Variants in ACTR3C observed in about 807,000 individuals in gnomAD.
The protein encoded by ACTR3C is actin-related protein 3C.
ACTR3C carries 18 observed loss-of-function variants against 26.3 expected under a neutral mutation model. The observed-to-expected ratio is 0.68, with a 90% CI of 0.47 to 1.01. The LOEUF is 1.01. Ranked by LOEUF, ACTR3C falls within the 50% of genes least tolerant of loss-of-function variation. The pLI is 0.00. For missense variants in ACTR3C, 184 were observed against 250.7 expected (o/e 0.73, Z 1.80); for synonymous variants, 55 against 94.5 (o/e 0.58, Z 2.42).
chr7:149,965,767 C>A, the ACTR3C span, among the ~76,000 whole-genome samples: 1 of 152,216 alleles, frequency 6.6e-6, no homozygotes, highest in African/African-American at 2.4e-5. Flanking sequence ...GATAAATAAG[C>A]AAATTGCATT....
the ACTR3C span, among the ~76,000 whole-genome samples, chr7:150,211,652 C>G: frequency 7.3e-4 from 110 of 150,186 alleles, 5 homozygotes; most frequent in African/African-American, 2.6e-3. Flanking sequence ...GTTGAATGTC[C>G]TCAGCTTTCA....
chr7:150,029,763 G>A, the ACTR3C span, among the ~76,000 whole-genome samples: 529 of 152,074 alleles, frequency 3.5e-3, 1 homozygote, highest in Non-Finnish European at 5.7e-3. Context: ...GCCCATCTCC[G>A]AGGGTCATTC....
At chr7:150,094,721 G>C in the ACTR3C span, among the ~76,000 whole-genome samples, 1 of 150,700 alleles carries the variant, frequency 6.6e-6, no homozygotes, top group South Asian at 2.1e-4. Context: ...AGGTGAGCAG[G>C]AAAAAAGTCC....
At chr7:149,887,475 G>T in the ACTR3C span, among the ~76,000 whole-genome samples, 2 of 152,150 alleles carry the variant, frequency 1.3e-5, no homozygotes, top group Non-Finnish European at 2.9e-5. Context: ...TCCCATACAC[G>T]CCAGGCGCCT....
chr7:150,253,667 A>G (rs1251028062), intron 6 of ACTR3C, among the ~76,000 whole-genome samples: 1 of 151,896 alleles, frequency 6.6e-6, no homozygotes, highest in African/African-American at 2.4e-5. Flanking sequence ...TAATAATGGG[A>G]TAGTAATAAA....
chr7:149,947,754 C>A, the ACTR3C span, among the ~76,000 whole-genome samples: 1 of 144,418 alleles, frequency 6.9e-6, no homozygotes, highest in African/African-American at 2.9e-5. Context: ...TGATGCGGTG[C>A]AGCTATCCTG....
intron 6 of ACTR3C, among the ~76,000 whole-genome samples, chr7:150,267,186 G>T (rs186269742): frequency 6.6e-6 from 1 of 152,196 alleles, no homozygotes; most frequent in Non-Finnish European, 1.5e-5. Flanking sequence ...CAAAAGCACC[G>T]AGTGAAGGAA....
downstream of ACTR3C, among the ~76,000 whole-genome samples, chr7:150,239,427 G>A (rs1297413497): frequency 1.4e-5 from 2 of 140,208 alleles, no homozygotes; most frequent in African/African-American, 2.9e-5. Flanking sequence ...CAAATTTAGA[G>A]CCTGTTTCTC....
the ACTR3C span, among the ~76,000 whole-genome samples, chr7:150,007,471 C>T: frequency 6.6e-6 from 1 of 152,198 alleles, no homozygotes; most frequent in Non-Finnish European, 1.5e-5. Context: ...GGGGTTCTGA[C>T]ACTTGATAAT....
At chr7:150,023,342 T>TAG in the ACTR3C span, among the ~76,000 whole-genome samples, 3 of 18,264 alleles carry the variant, frequency 1.6e-4, no homozygotes, top group African/African-American at 3.4e-4. Context: ...TACATACATA[T>TAG]ATATTTTAGA....
chr7:150,111,855 G>C, the ACTR3C span, among the ~76,000 whole-genome samples: 1 of 148,284 alleles, frequency 6.7e-6, no homozygotes, highest in East Asian at 2.0e-4. Flanking sequence ...AGAAATCCCC[G>C]TGTAATGACC....
the ACTR3C span, among the ~76,000 whole-genome samples, chr7:149,981,185 T>C: frequency 2.0e-5 from 3 of 152,118 alleles, no homozygotes; most frequent in Non-Finnish European, 4.4e-5. Flanking sequence ...CTCTTCCCAC[T>C]ACAATGGACA....
the ACTR3C span, among the ~76,000 whole-genome samples, chr7:150,042,519 G>T: frequency 1.9e-3 from 284 of 146,688 alleles, 2 homozygotes; most frequent in Admixed American, 2.8e-3. Flanking sequence ...CGCCCCCTGC[G>T]ATAGTGGTCC....
At chr7:150,259,698 T>G (rs542659052) in intron 6 of ACTR3C, among the ~76,000 whole-genome samples, 102 of 152,298 alleles carry the variant, frequency 6.7e-4, no homozygotes, top group Non-Finnish European at 1.1e-3. Context: ...TTTTTTATCC[T>G]AGATGGTCAT....
chr7:150,039,760 T>C, the ACTR3C span, among the ~76,000 whole-genome samples: 1 of 129,562 alleles, frequency 7.7e-6, no homozygotes, highest in African/African-American at 2.8e-5. Context: ...CCTCCTGCGA[T>C]GGGGGTCCCC....
chr7:150,253,077 C>T (rs1832963742), intron 6 of ACTR3C, among the ~76,000 whole-genome samples: 1 of 152,050 alleles, frequency 6.6e-6, no homozygotes, highest in African/African-American at 2.4e-5. Context: ...TATCACGCTG[C>T]TGAATGACGT....
At chr7:150,098,238 G>A in the ACTR3C span, among the ~76,000 whole-genome samples, 7 of 151,644 alleles carry the variant, frequency 4.6e-5, no homozygotes, top group African/African-American at 7.3e-5. Flanking sequence ...AATTCTTGTC[G>A]TTGAGAAAGA....
the ACTR3C span, among the ~76,000 whole-genome samples, chr7:149,896,596 G>A: frequency 4.0e-5 from 6 of 151,660 alleles, no homozygotes; most frequent in Non-Finnish European, 7.3e-5. Context: ...TGTTTATCCA[G>A]CAATTCCACT....
chr7:149,994,545 C>T, the ACTR3C span, among the ~76,000 whole-genome samples: 4 of 151,974 alleles, frequency 2.6e-5, no homozygotes, highest in Non-Finnish European at 4.4e-5. Context: ...TGCAGTGAGC[C>T]GAGACTGTGC....
Sources: allele counts gnomAD v4.1 joint callset (sites outside exome capture counted in the v4.1 genomes callset), GRCh38; gene constraint gnomAD v4.1.1; transcripts MANE v1.5; gene names NCBI Gene and HGNC (gene_info 2026-07-23, HGNC 2026-07-21).